The following FAF2 variants were observed in gnomAD, a reference collection of about 807,000 sequenced individuals.
FAF2 encodes Fas associated factor family member 2, also known as FAS-associated factor 2.
Under a neutral mutation model 62.3 loss-of-function variants are expected in FAF2, and 9 were observed. That is an observed-to-expected ratio of 0.14 (90% CI 0.09 to 0.25). FAF2 has a LOEUF of 0.25. Ranked by LOEUF, FAF2 falls within the 10% of genes least tolerant of loss-of-function variation. The pLI is 1.00. For missense variants in FAF2, 368 were observed against 556.2 expected (o/e 0.66, Z 3.40); for synonymous variants, 202 against 198.0 (o/e 1.02, Z -0.17).
At chr5:176,480,810 G>T (rs1437499580) in intron 2 of FAF2, among the ~76,000 whole-genome samples, 1 of 147,532 alleles carries the variant, frequency 6.8e-6, no homozygotes, top group African/African-American at 2.5e-5. Context: ...GGGGGTGGGG[G>T]GCTGGGGGGC....
intron 5 of FAF2, among the ~76,000 whole-genome samples, chr5:176,492,750 C>G (rs949693755): frequency 6.6e-6 from 1 of 152,166 alleles, no homozygotes; most frequent in African/African-American, 2.4e-5. Flanking sequence ...CCTGTCCTGC[C>G]CTATCTCATC....
At chr5:176,506,300 G>A (rs1193833130) in intron 10 of FAF2, among the ~76,000 whole-genome samples, 1 of 151,518 alleles carries the variant, frequency 6.6e-6, no homozygotes, top group Non-Finnish European at 1.5e-5. Context: ...TAGAAATAAT[G>A]TGTCAGTTAC....
Position 176,470,539 on chromosome 5 carries a change from C to T in FAF2, c.64-8649C>T, listed in dbSNP as rs181267864. ...TTGTGGTGAGCCAAGATCGCGCCATCGCGCTCCAGCCTGGGCAACAAAGAG... is the reference window on the plus strand; with the variant it reads ...TTGTGGTGAGCCAAGATCGCGCCATTGCGCTCCAGCCTGGGCAACAAAGAG... On this transcript the variant is annotated intron_variant, in intron 1 of 10. Transcript: ENST00000261942. 2.3e-3 allele frequency among the ~76,000 whole-genome samples: 349 copies of T among 152,328 alleles called. 2 individuals are homozygous for T. Among genetic ancestry groups the T allele is most frequent in the Non-Finnish European group, 4.5e-3 (304 of 68,016 alleles).
At chr5:176,451,370 C>G (rs1758165065) in intron 1 of FAF2, among the ~76,000 whole-genome samples, 1 of 150,292 alleles carries the variant, frequency 6.7e-6, no homozygotes, top group South Asian at 2.1e-4. Flanking sequence ...GACTCTGTCT[C>G]AAAAAAAAAA....
At chr5:176,474,013 A>G (rs1442772542) in intron 1 of FAF2, among the ~76,000 whole-genome samples, 4 of 152,210 alleles carry the variant, frequency 2.6e-5, no homozygotes, top group African/African-American at 7.2e-5. Context: ...TTATTAGAGA[A>G]TGGTATTAGA....
chr5:176,477,105 GC>G (rs1318084361), intron 1 of FAF2, among the ~76,000 whole-genome samples: 13 of 139,916 alleles, frequency 9.3e-5, no homozygotes, highest in African/African-American at 3.3e-4. Context: ...ACCGTGCCCG[GC>G]CTTTTTTTTT....
intron 1 of FAF2, among the ~76,000 whole-genome samples, chr5:176,470,376 G>A (rs1433617026): frequency 1.3e-5 from 2 of 152,218 alleles, no homozygotes; most frequent in East Asian, 1.9e-4. Context: ...TCGGGAGTTC[G>A]AGACCAGCCT....
At position 176,496,623 on chromosome 5, in the gene FAF2, G is replaced by T; in HGVS notation, c.799G>T (p.Asp267Tyr). Residue 267 changes from aspartate to tyrosine, a missense_variant, in exon 8 of 11, where the codon GAT becomes TAT. By Grantham distance (160) the Asp-to-Tyr change is radical. Around this residue, in one of 2 missense-constraint regions of FAF2, gnomAD observed 331 missense variants for 441.9 expected, o/e 0.75. Coordinates refer to ENST00000261942, the MANE Select transcript of FAF2 (RefSeq NM_014613.3). ...DLINQLTFIM[D>Y]ANQTYLVSER... ...CATTAACCAACTGACATTTATCATGGATGCTAACCAGACTTACCTGGTGTC... is the reference window on the plus strand; with the variant it reads ...CATTAACCAACTGACATTTATCATGTATGCTAACCAGACTTACCTGGTGTC... 6.2e-7 allele frequency: 1 copy of T among 1,609,038 alleles called. No individual in the cohort carries two copies. Among genetic ancestry groups the T allele is most frequent in the Non-Finnish European group, 8.5e-7 (1 of 1,177,646 alleles).
At position 176,479,164 on chromosome 5, in the gene FAF2, A is replaced by C. The variant is rs759863092; in HGVS notation, c.64-24A>C. ...TATACTGTTGGTTTTTCTCTAAGTA[A>C]CTTGTTTTCATCCTTCTTTTCAGGA... On this transcript the variant is annotated intron_variant, in intron 1 of 10. Transcript: ENST00000261942. 3 of 1,608,126 alleles carry C rather than the reference A, an allele frequency of 1.9e-6. No homozygotes were observed. The Admixed American group carries it at 5.0e-5, about 27-fold the overall frequency.
chr5:176,477,009 C>T (rs1262676238), intron 1 of FAF2, among the ~76,000 whole-genome samples: 1 of 151,324 alleles, frequency 6.6e-6, no homozygotes, highest in East Asian at 1.9e-4. Flanking sequence ...GGGGTTTCAC[C>T]ATGTTAGCCA....
At chr5:176,453,835 C>G (rs1170208391) in intron 1 of FAF2, 1 of 152,036 alleles carries the variant, frequency 6.6e-6, no homozygotes, top group African/African-American at 2.4e-5. Flanking sequence ...GCTGGCAGAT[C>G]ACGAGGTCAG....
At chr5:176,501,293 T>G (rs781037906) in intron 10 of FAF2, among the ~76,000 whole-genome samples, 3 of 152,250 alleles carry the variant, frequency 2.0e-5, no homozygotes, top group Non-Finnish European at 4.4e-5. Context: ...ATGTTGCCTT[T>G]GCAAATTTAT....
At chr5:176,502,468 G>T (rs112155666) in intron 10 of FAF2, among the ~76,000 whole-genome samples, 14,934 of 151,670 alleles carry the variant, frequency 0.098, 985 homozygotes, top group East Asian at 0.29. Flanking sequence ...TAATCTCAGC[G>T]ACTTGGGAGG....
chr5:176,461,458 C>G (rs1758375671), intron 1 of FAF2, among the ~76,000 whole-genome samples: 1 of 151,250 alleles, frequency 6.6e-6, no homozygotes, highest in Non-Finnish European at 1.5e-5. Flanking sequence ...GCTGGGACTA[C>G]AGGTGTACAC....
intron 1 of FAF2, among the ~76,000 whole-genome samples, chr5:176,468,480 A>G (rs930522445): frequency 1.6e-4 from 25 of 152,268 alleles, no homozygotes; most frequent in African/African-American, 6.0e-4. Context: ...GCTGCTCGGG[A>G]GGCTGAGGCA....
chr5:176,473,507 C>T (rs1468173620), intron 1 of FAF2, among the ~76,000 whole-genome samples: 1 of 152,180 alleles, frequency 6.6e-6, no homozygotes, highest in African/African-American at 2.4e-5. Context: ...GTTAATCCCC[C>T]TGCCCTGTTT....
At chr5:176,481,549 C>A (rs910844180) in intron 2 of FAF2, among the ~76,000 whole-genome samples, 3 of 151,658 alleles carry the variant, frequency 2.0e-5, no homozygotes, top group Non-Finnish European at 4.4e-5. Context: ...CCCAGCTACT[C>A]GGGAGGCTGA....
At chr5:176,499,876 T>C (rs1344280732) in intron 9 of FAF2, 127 bp from the exon 10 acceptor site, 5 of 1,090,242 alleles carry the variant, frequency 4.6e-6, no homozygotes, top group Non-Finnish European at 6.6e-6. Context: ...TTTTTGACTA[T>C]TCCTGAGAGG....
chr5:176,507,229 A>G lies in FAF2; in HGVS notation c.*279A>G, dbSNP rs916081390. On this transcript the variant is annotated 3_prime_UTR_variant, in exon 11 of 11. Coordinates refer to ENST00000261942, the MANE Select transcript of FAF2 (RefSeq NM_014613.3). ...TGTGGCCTCTGTGCACGCACCTTCC[A>G]GTGAACAGAGACTCTTCACCTTCGA... 7 of 447,754 alleles carry G rather than the reference A, an allele frequency of 1.6e-5. No homozygotes were observed. The highest frequency in any genetic ancestry group is 1.4e-4 in the African/African-American group (7 of 49,424). The allele number at this position is 447,754 out of a possible 1,614,324, so 27.7% of individuals were successfully genotyped here.
Sources: allele counts gnomAD v4.1 joint callset (sites outside exome capture counted in the v4.1 genomes callset), GRCh38; gene constraint gnomAD v4.1.1; regional missense constraint gnomAD v4.1.1; transcripts MANE v1.5; gene names NCBI Gene and HGNC (gene_info 2026-07-23, HGNC 2026-07-21).